XIRP2: variants seen among roughly 807,000 people sequenced by gnomAD.
XIRP2 encodes the protein xin actin-binding repeat-containing protein 2.
XIRP2 carries 236 observed loss-of-function variants against 277.0 expected under a neutral mutation model. The observed-to-expected ratio is 0.85, with a 90% CI of 0.77 to 0.95. The LOEUF (loss-of-function observed/expected upper bound fraction) is 0.95. Ranked by LOEUF, XIRP2 falls within the 40% of genes least tolerant of loss-of-function variation. The pLI is 0.00. For synonymous variants in XIRP2, 1,490 were observed against 1,416.5 expected (o/e 1.05, Z -1.17); for missense variants, 4,640 against 4,157.5 (o/e 1.12, Z -3.19).
chr2:166,891,939 A>G (rs1033555897), intron 1 of XIRP2, among the ~76,000 whole-genome samples: 2 of 152,126 alleles, frequency 1.3e-5, no homozygotes, highest in African/African-American at 4.8e-5. Flanking sequence ...TGACAACATA[A>G]ATTTGGCAGG....
chr2:167,247,107 T>A lies in XIRP2; in HGVS notation c.5715T>A (p.Ala1905=), dbSNP rs778013895. Residue 1905 remains alanine (A), a synonymous_variant, in exon 9 of 11, where the codon GCT becomes GCA. Coordinates refer to ENST00000409195, the MANE Select transcript of XIRP2 (RefSeq NM_152381.6). Reference sequence around the variant, plus strand: ...AAGCTATTGAATGCCTTGAAAAAGCTACAAATACAAAGACAGAAATTCTGA... The same window carrying A: ...AAGCTATTGAATGCCTTGAAAAAGCAACAAATACAAAGACAGAAATTCTGA... ...IEKAIECLEK[A]TNTKTEILKK... The A allele has an allele frequency of 6.2e-7, 1 of 1,613,260 alleles. No individual in the cohort carries two copies. Among genetic ancestry groups the A allele is most frequent in the Non-Finnish European group, 8.5e-7 (1 of 1,179,682 alleles).
At chr2:167,165,836 A>C (rs1692507842) in intron 3 of XIRP2, among the ~76,000 whole-genome samples, 1 of 152,096 alleles carries the variant, frequency 6.6e-6, no homozygotes, top group South Asian at 2.1e-4. Context: ...AGAAATTTCT[A>C]ATTTTAATGA....
chr2:167,015,737 A>T (rs1687807423), intron 2 of XIRP2, among the ~76,000 whole-genome samples: 1 of 151,918 alleles, frequency 6.6e-6, no homozygotes, highest in South Asian at 2.1e-4. Flanking sequence ...AGGGAAGGTT[A>T]AGTACCCTGG....
rs115836655 is a variant in XIRP2 at position 166,987,994 on chromosome 2, C to T, written c.408+84104C>T. Among the ~76,000 whole-genome samples, 517 of 152,252 alleles carry T rather than the reference C, an allele frequency of 3.4e-3. 3 individuals carry two copies. The highest frequency in any genetic ancestry group is 0.012 in the African/African-American group (493 of 41,546). On this transcript the variant is annotated intron_variant, in intron 2 of 10. Transcript: ENST00000409195. ...GCACAATGGAAATATAAAATAACCA[C>T]GAAGCAAACTCCAGAGCAATTGGGG...
chr2:167,250,487 C>A lies in XIRP2; in HGVS notation c.9095C>A (p.Thr3032Lys), dbSNP rs780199321. 6.2e-7 allele frequency: 1 copy of A among 1,613,198 alleles called. No individual in the cohort carries two copies. The highest frequency in any genetic ancestry group is 8.5e-7 in the Non-Finnish European group (1 of 1,179,672). The change falls in exon 9 of 11, where the codon ACA (threonine) becomes AAA (lysine). Residue 3032 changes from threonine (T) to lysine (K), a missense_variant. By Grantham distance (78) the Thr-to-Lys change is moderately conservative (BLOSUM62 -1). Coordinates refer to ENST00000409195, the MANE Select transcript of XIRP2 (RefSeq NM_152381.6). ...MLVSYENIIQ[T>K]AMMSSKTGKP... ...GTGTCCTATGAAAATATAATTCAGA[C>A]AGCCATGATGTCCTCCAAAACAGGA...
At chr2:167,033,137 G>T (rs988972259) in intron 2 of XIRP2, among the ~76,000 whole-genome samples, 7 of 152,078 alleles carry the variant, frequency 4.6e-5, no homozygotes, top group African/African-American at 1.4e-4. Context: ...TCATTTTCTT[G>T]CAGGGACATG....
At chr2:167,193,516 A>G (rs766777879) in intron 3 of XIRP2, among the ~76,000 whole-genome samples, 5 of 152,178 alleles carry the variant, frequency 3.3e-5, no homozygotes, top group Non-Finnish European at 5.9e-5. Context: ...AATGATGAAT[A>G]GCCCTCAAAT....
chr2:167,095,418 T>C (rs1298032502), intron 2 of XIRP2, among the ~76,000 whole-genome samples: 2 of 152,300 alleles, frequency 1.3e-5, no homozygotes, highest in East Asian at 1.9e-4. Flanking sequence ...GCTTCCAGCT[T>C]TTGCCCATTC....
intron 10 of XIRP2, among the ~76,000 whole-genome samples, chr2:167,254,885 G>A (rs898663697): frequency 6.6e-6 from 1 of 150,624 alleles, no homozygotes; most frequent in Non-Finnish European, 1.5e-5. Context: ...TGGTGTGACT[G>A]TAGTCTGAGA....
intron 3 of XIRP2, among the ~76,000 whole-genome samples, chr2:167,188,237 G>A (rs549015647): frequency 2.6e-5 from 4 of 152,174 alleles, no homozygotes; most frequent in Non-Finnish European, 4.4e-5. Flanking sequence ...TTCTGTCTTC[G>A]ATTGCCTGTG....
chr2:167,221,515 T>A (rs2105404776), intron 5 of XIRP2, among the ~76,000 whole-genome samples: 1 of 149,236 alleles, frequency 6.7e-6, no homozygotes, highest in Admixed American at 6.7e-5. Context: ...TTATTTTAAA[T>A]GGCCTTAATT....
intron 2 of XIRP2, among the ~76,000 whole-genome samples, chr2:166,964,653 A>G (rs573890981): frequency 6.6e-6 from 1 of 152,008 alleles, no homozygotes; most frequent in Non-Finnish European, 1.5e-5. Context: ...GTCCATCTTC[A>G]TAAACCAACT....
intron 2 of XIRP2, among the ~76,000 whole-genome samples, chr2:167,035,963 C>T (rs1278828779): frequency 6.6e-6 from 1 of 152,198 alleles, no homozygotes; most frequent in Non-Finnish European, 1.5e-5. Flanking sequence ...GGTGGAAGCC[C>T]CAAGCTTGGC....
intron 3 of XIRP2, among the ~76,000 whole-genome samples, chr2:167,153,546 T>A (rs1189569986): frequency 6.6e-6 from 1 of 152,082 alleles, no homozygotes; most frequent in African/African-American, 2.4e-5. Context: ...CTCCTAAAGC[T>A]ATCCCTCCCC....
chr2:167,087,831 G>A (rs995621692), intron 2 of XIRP2, among the ~76,000 whole-genome samples: 3 of 151,930 alleles, frequency 2.0e-5, no homozygotes, highest in Non-Finnish European at 2.9e-5. Context: ...ACTGACCTGC[G>A]CCCACTGTCT....
At chr2:166,891,819 T>C (rs1269791079) in intron 1 of XIRP2, among the ~76,000 whole-genome samples, 1 of 152,190 alleles carries the variant, frequency 6.6e-6, no homozygotes, top group Admixed American at 6.5e-5. Flanking sequence ...ACATAATCCT[T>C]GGGATTCTTA....
chr2:166,940,301 T>C (rs1442096012), intron 2 of XIRP2, among the ~76,000 whole-genome samples: 1 of 152,256 alleles, frequency 6.6e-6, no homozygotes, highest in African/African-American at 2.4e-5. Context: ...CTCTATCATG[T>C]CATTTAATGA....
intron 2 of XIRP2, among the ~76,000 whole-genome samples, chr2:166,963,677 T>C (rs1467835619): frequency 1.3e-5 from 2 of 151,738 alleles, no homozygotes; most frequent in African/African-American, 4.8e-5. Flanking sequence ...GTGAGATGGA[T>C]TCAGGAACCT....
chr2:167,153,690 A>C (rs1692090876), intron 3 of XIRP2, among the ~76,000 whole-genome samples: 1 of 151,892 alleles, frequency 6.6e-6, no homozygotes, highest in Non-Finnish European at 1.5e-5. Flanking sequence ...TAGTTTACTG[A>C]GAATGATGAT....
Sources: gnomAD v4.1 joint callset for allele counts (sites outside exome capture counted in the v4.1 genomes callset) on GRCh38, gnomAD v4.1.1 for gene constraint, MANE v1.5 for transcripts, NCBI Gene and HGNC (gene_info 2026-07-23, HGNC 2026-07-21) for gene names.